The following SLC1A1 variants were observed in gnomAD, a reference collection of about 807,000 sequenced individuals.
SLC1A1 encodes excitatory amino acid transporter 3.
In SLC1A1, 43 loss-of-function variants were observed where a neutral mutation model predicts 53.3. The ratio of observed to expected loss-of-function variants is 0.81; its 90% confidence interval spans 0.63 to 1.04. The LOEUF (loss-of-function observed/expected upper bound fraction) is 1.04. Ranked by LOEUF, SLC1A1 falls within the 50% of genes least tolerant of loss-of-function variation. SLC1A1 has a pLI of 0.00. For synonymous variants in SLC1A1, 307 were observed against 243.2 expected (o/e 1.26, Z -2.44); for missense variants, 748 against 664.9 (o/e 1.12, Z -1.37).
At chr9:4,531,964 A>G (rs899500876) in intron 1 of SLC1A1, among the ~76,000 whole-genome samples, 24 of 152,206 alleles carry the variant, frequency 1.6e-4, no homozygotes, top group African/African-American at 5.1e-4. Context: ...GTGGACCTCA[A>G]GCAAACTCCA....
In SLC1A1 at chr9:4,517,199, G is replaced by T. The variant is rs183212455; in HGVS notation, c.91+26429G>T. Among the ~76,000 whole-genome samples the T allele has an allele frequency of 3.1e-3, 472 of 152,126 alleles. 4 individuals are homozygous for T. Among genetic ancestry groups the T allele is most frequent in the African/African-American group, 0.01 (419 of 41,496 alleles). ...TTAGGTGTTCTCTCCACTCTCCACCGTCCTCAATAGTCCCCGCCTAGTGAA... is the reference window on the plus strand; with the variant it reads ...TTAGGTGTTCTCTCCACTCTCCACCTTCCTCAATAGTCCCCGCCTAGTGAA... On this transcript the variant is annotated intron_variant, in intron 1 of 11. Transcript: ENST00000262352.
chr9:4,515,249 G>T (rs966674472), intron 1 of SLC1A1, among the ~76,000 whole-genome samples: 1 of 152,090 alleles, frequency 6.6e-6, no homozygotes, highest in African/African-American at 2.4e-5. Context: ...GCTGCATTTT[G>T]TCTATCAAGG....
At chr9:4,575,518 G>A (rs775640701) in intron 8 of SLC1A1, among the ~76,000 whole-genome samples, 2 of 152,120 alleles carry the variant, frequency 1.3e-5, no homozygotes, top group East Asian at 1.9e-4. Context: ...AGGACTGAGC[G>A]CTGTGATAAG....
At chr9:4,501,163 A>C (rs1026415777) in intron 1 of SLC1A1, among the ~76,000 whole-genome samples, 1 of 151,948 alleles carries the variant, frequency 6.6e-6, no homozygotes, top group Non-Finnish European at 1.5e-5. Flanking sequence ...TTGATAGTAG[A>C]AAGTGTTTTA....
intron 10 of SLC1A1, among the ~76,000 whole-genome samples, chr9:4,582,268 G>C (rs938874447): frequency 1.2e-4 from 19 of 152,178 alleles, no homozygotes; most frequent in African/African-American, 4.3e-4. Context: ...TAAATACCTG[G>C]TAATAAAGTT....
chr9:4,577,983 C>T (rs1042226763), intron 10 of SLC1A1, among the ~76,000 whole-genome samples: 10 of 152,156 alleles, frequency 6.6e-5, no homozygotes, highest in Non-Finnish European at 8.8e-5. Context: ...GGATGACTCC[C>T]AGGATTGGCA....
intron 1 of SLC1A1, among the ~76,000 whole-genome samples, chr9:4,502,389 G>GCA (rs1554674522): frequency 1.8e-5 from 1 of 56,490 alleles, no homozygotes; most frequent in Non-Finnish European, 2.9e-5. Flanking sequence ...CCTGTCTCCA[G>GCA]AAAAAAAAAA....
chr9:4,583,407 C>T lies in SLC1A1; in HGVS notation c.1328+235C>T, dbSNP rs995224103. 3.9e-5 allele frequency among the ~76,000 whole-genome samples: 6 copies of T among 152,162 alleles called. No homozygotes were observed. Among genetic ancestry groups the T allele is most frequent in the African/African-American group, 1.4e-4 (6 of 41,434 alleles). ...TCCATTAGCTCATTATACCTGGTAACACTCAAGCTTAGGAGCTGGGTGTGG... is the reference window on the plus strand; with the variant it reads ...TCCATTAGCTCATTATACCTGGTAATACTCAAGCTTAGGAGCTGGGTGTGG... On this transcript the variant is annotated intron_variant, in intron 11 of 11. Coordinates refer to ENST00000262352, the MANE Select transcript of SLC1A1 (RefSeq NM_004170.6). This position sits in a 1 kb window ranked among gnomAD's most constrained non-coding sequence, Gnocchi z 4.6.
intron 2 of SLC1A1, among the ~76,000 whole-genome samples, chr9:4,548,147 T>C (rs1564026042): frequency 6.6e-6 from 1 of 152,278 alleles, no homozygotes; most frequent in East Asian, 1.9e-4. Context: ...ATTTTGCCTC[T>C]GGTCGCTTCT....
At chr9:4,544,250 T>G (rs1817265674) in intron 1 of SLC1A1, among the ~76,000 whole-genome samples, 1 of 152,194 alleles carries the variant, frequency 6.6e-6, no homozygotes, top group African/African-American at 2.4e-5. Context: ...AGAGTTATAC[T>G]GGATTGACTA....
intron 4 of SLC1A1, among the ~76,000 whole-genome samples, 153 bp downstream of exon 4, chr9:4,564,611 C>T (rs766220616): frequency 5.3e-4 from 80 of 152,212 alleles, no homozygotes; most frequent in Non-Finnish European, 9.6e-4. Context: ...CCACAAATTA[C>T]ATAGCCAGTA....
At chr9:4,550,129 T>A (rs923931646) in intron 2 of SLC1A1, among the ~76,000 whole-genome samples, 3 of 152,204 alleles carry the variant, frequency 2.0e-5, no homozygotes, top group African/African-American at 7.2e-5. Context: ...ACAAGTCACA[T>A]TATTAAACAC....
At chr9:4,510,097 G>A (rs1820949037) in intron 1 of SLC1A1, among the ~76,000 whole-genome samples, 1 of 152,152 alleles carries the variant, frequency 6.6e-6, no homozygotes, top group Non-Finnish European at 1.5e-5. Flanking sequence ...GCCTCCCAAA[G>A]TGCTGGGATT....
Position 4,583,886 on chromosome 9 carries a change from A to T in SLC1A1, c.1328+714A>T, listed in dbSNP as rs28718010. On this transcript the variant is annotated intron_variant, in intron 11 of 11. Transcript: ENST00000262352. This position sits in a 1 kb window ranked among gnomAD's most constrained non-coding sequence, Gnocchi z 4.6. ...CTCTCTCTCTCTCTCTCTCTCTCAC[A>T]CACACACACACACACACACACACAC... 0.38 allele frequency among the ~76,000 whole-genome samples: 52,668 copies of T among 137,638 alleles called. 9,532 individuals carry two copies. Among genetic ancestry groups the T allele is most frequent in the Middle Eastern group, 0.49 (131 of 266 alleles). 90.3% of individuals were successfully genotyped at this position (137,638 alleles called of 152,430 possible). A position where few individuals can be genotyped will look rare whatever the true frequency, so the allele number is the denominator to read the frequency against.
At chr9:4,563,264 T>C (rs1819153259) in intron 3 of SLC1A1, among the ~76,000 whole-genome samples, 1 of 151,944 alleles carries the variant, frequency 6.6e-6, no homozygotes, top group African/African-American at 2.4e-5. Context: ...GGGTGGGATG[T>C]GGTGAGGCTT....
intron 1 of SLC1A1, among the ~76,000 whole-genome samples, chr9:4,524,720 C>G (rs1455504131): frequency 6.6e-6 from 1 of 152,026 alleles, no homozygotes; most frequent in Non-Finnish European, 1.5e-5. Flanking sequence ...ATTTTAATAA[C>G]TAATATAAAA....
intron 2 of SLC1A1, among the ~76,000 whole-genome samples, chr9:4,544,927 C>G (rs1045401492): frequency 6.6e-6 from 1 of 152,138 alleles, no homozygotes; most frequent in East Asian, 1.9e-4. Flanking sequence ...CTGGGCGAAG[C>G]AGGAAGAGCC....
chr9:4,553,902 C>T (rs1442309579), intron 2 of SLC1A1: 1 of 152,190 alleles, frequency 6.6e-6, no homozygotes, highest in Non-Finnish European at 1.5e-5. Context: ...TTGCCTCTTC[C>T]TTTCCCTTTG....
At chr9:4,491,740 A>G (rs562927993) in intron 1 of SLC1A1, among the ~76,000 whole-genome samples, 2 of 151,954 alleles carry the variant, frequency 1.3e-5, no homozygotes, top group African/African-American at 4.8e-5. Flanking sequence ...GGGCTGTTGC[A>G]CCCTCTGAGG....
Sources: allele counts gnomAD v4.1 joint callset (sites outside exome capture counted in the v4.1 genomes callset), GRCh38; gene constraint gnomAD v4.1.1; non-coding constraint Gnocchi (gnomAD v3.1); transcripts MANE v1.5; gene names NCBI Gene and HGNC (gene_info 2026-07-23, HGNC 2026-07-21).